CDH13: variants seen among roughly 807,000 people sequenced by gnomAD.
The protein encoded by CDH13 is cadherin-13.
Under a neutral mutation model 63.8 loss-of-function variants are expected in CDH13, and 24 were observed. The observed-to-expected ratio is 0.38, with a 90% confidence interval of 0.27 to 0.53. The LOEUF (loss-of-function observed/expected upper bound fraction) is 0.53. CDH13 is among the 20% of genes least tolerant of loss of function. CDH13 has a pLI of 0.85. For synonymous variants in CDH13, 503 were observed against 355.3 expected (o/e 1.42, Z -4.67); for missense variants, 1,049 against 903.1 (o/e 1.16, Z -2.07).
intron 2 of CDH13, among the ~76,000 whole-genome samples, chr16:83,031,021 A>G (rs938361342): frequency 6.6e-6 from 1 of 151,706 alleles, no homozygotes; most frequent in African/African-American, 2.4e-5. Context: ...TGGATGGTGG[A>G]TAGGCAAGAA....
intron 8 of CDH13, among the ~76,000 whole-genome samples, chr16:83,667,021 GGATGGA>G (rs1914031910): frequency 2.0e-5 from 1 of 49,292 alleles, no homozygotes; most frequent in Admixed American, 2.5e-4. Context: ...ATGGATGGAT[GGATGGA>G]TGGGTGGATG....
At chr16:83,548,769 T>G (rs4563035) in intron 7 of CDH13, among the ~76,000 whole-genome samples, 151,967 of 152,030 alleles carry the variant, frequency 1, 75,952 homozygotes, top group Non-Finnish European at 1. Flanking sequence ...ACCTTACCCT[T>G]GATTCTCACC....
chr16:83,432,539 G>T (rs2072152675), intron 6 of CDH13, among the ~76,000 whole-genome samples: 1 of 152,186 alleles, frequency 6.6e-6, no homozygotes, highest in South Asian at 2.1e-4. Context: ...CACCACAGCT[G>T]CTGTAAACAG....
intron 2 of CDH13, among the ~76,000 whole-genome samples, chr16:82,985,290 T>C (rs917410261): frequency 2.0e-5 from 3 of 152,182 alleles, no homozygotes; most frequent in Non-Finnish European, 2.9e-5. Flanking sequence ...AAGGCATCTC[T>C]ATTATAGCAA....
At chr16:83,369,883 A>C (rs2091331432) in intron 6 of CDH13, among the ~76,000 whole-genome samples, 2 of 152,260 alleles carry the variant, frequency 1.3e-5, no homozygotes, top group South Asian at 4.2e-4. Flanking sequence ...TCCACTGTGA[A>C]GTCAAAATTA....
chr16:82,812,097 T>G (rs2037473603), intron 1 of CDH13, among the ~76,000 whole-genome samples: 1 of 152,280 alleles, frequency 6.6e-6, no homozygotes, highest in East Asian at 1.9e-4. Context: ...TGTCTCTATG[T>G]ATTCACACTG....
intron 1 of CDH13, among the ~76,000 whole-genome samples, chr16:82,697,575 C>T (rs2030475777): frequency 6.6e-6 from 1 of 151,532 alleles, no homozygotes. Context: ...ATTACAGGTG[C>T]CCGCCACTAT....
intron 4 of CDH13, chr16:83,171,692 A>G (rs2151729651): frequency 3.9e-6 from 3 of 769,676 alleles, no homozygotes; most frequent in South Asian, 1.6e-5. Flanking sequence ...TTTGGCAGGC[A>G]CGCCTCTCCC....
At chr16:83,136,099 A>G (rs1202789872) in intron 4 of CDH13, among the ~76,000 whole-genome samples, 3 of 151,984 alleles carry the variant, frequency 2.0e-5, no homozygotes, top group East Asian at 1.9e-4. Context: ...GGGTGCACCA[A>G]AATCTCACAT....
intron 4 of CDH13, among the ~76,000 whole-genome samples, chr16:83,173,126 C>T (rs1342622590): frequency 1.3e-5 from 2 of 152,138 alleles, no homozygotes; most frequent in Non-Finnish European, 2.9e-5. Context: ...ATGTAATTCT[C>T]ACATTAATTC....
At chr16:83,568,130 C>A (rs1223487114) in intron 7 of CDH13, among the ~76,000 whole-genome samples, 1 of 151,956 alleles carries the variant, frequency 6.6e-6, no homozygotes. Context: ...ATTTCAAAGG[C>A]ATTCATTGGT....
intron 2 of CDH13, among the ~76,000 whole-genome samples, chr16:82,915,285 C>T (rs182347984): frequency 2.2e-3 from 335 of 152,312 alleles, no homozygotes; most frequent in African/African-American, 7.7e-3. Context: ...CAGGCTAATG[C>T]ATGCCCTCCA....
At chr16:82,981,465 C>T (rs556591974) in intron 2 of CDH13, among the ~76,000 whole-genome samples, 45 of 152,142 alleles carry the variant, frequency 3.0e-4, no homozygotes, top group African/African-American at 1.0e-3. Flanking sequence ...TCTCCACCTG[C>T]CACAGCAATT....
chr16:83,130,527 A>G (rs1270962298), intron 4 of CDH13, among the ~76,000 whole-genome samples: 1 of 152,226 alleles, frequency 6.6e-6, no homozygotes, highest in African/African-American at 2.4e-5. Context: ...GGTTGGATCA[A>G]TAGATCGATA....
At chr16:82,764,871 A>G (rs1484821848) in intron 1 of CDH13, among the ~76,000 whole-genome samples, 4 of 149,978 alleles carry the variant, frequency 2.7e-5, no homozygotes, top group East Asian at 2.0e-4. Flanking sequence ...CTGGAGTGCA[A>G]TGTTGTAATC....
chr16:83,205,113 G>A (rs1353680753), intron 4 of CDH13, among the ~76,000 whole-genome samples: 3 of 152,162 alleles, frequency 2.0e-5, no homozygotes, highest in Non-Finnish European at 2.9e-5. Context: ...AGAAGAGATG[G>A]GAGGTACAGG....
At chr16:83,427,273 G>T (rs574568363) in intron 6 of CDH13, among the ~76,000 whole-genome samples, 10 of 151,744 alleles carry the variant, frequency 6.6e-5, no homozygotes, top group Admixed American at 2.0e-4. Context: ...TAAGGATCTT[G>T]AGATGGAGAC....
rs748373719 is a variant in CDH13, at chr16:82,702,089, G to A, written c.45+74952G>A. ...CACTTGGCCTTCTGTCCTTGAATGC[G>A]AAGAACCAGAGTCCCCTGCTCTAAA... On this transcript the variant is annotated intron_variant, in intron 1 of 13. Coordinates refer to ENST00000567109, the MANE Select transcript of CDH13 (RefSeq NM_001257.5). 1.4e-4 allele frequency among the ~76,000 whole-genome samples: 22 copies of A among 152,148 alleles called. 1 individual carries two copies. Among genetic ancestry groups the A allele is most frequent in the African/African-American group, 7.2e-5 (3 of 41,424 alleles).
chr16:82,755,257 T>C (rs1230968351), intron 1 of CDH13, among the ~76,000 whole-genome samples: 2 of 152,212 alleles, frequency 1.3e-5, no homozygotes, highest in East Asian at 1.9e-4. Flanking sequence ...AAGTGAGATA[T>C]GCATTCTGTC....
Sources: allele counts gnomAD v4.1 joint callset (sites outside exome capture counted in the v4.1 genomes callset), GRCh38; gene constraint gnomAD v4.1.1; transcripts MANE v1.5; gene names NCBI Gene and HGNC (gene_info 2026-07-23, HGNC 2026-07-21).